SYNPO2: variants seen among roughly 807,000 people sequenced by gnomAD.
The protein encoded by SYNPO2 is synaptopodin 2.
Under a neutral mutation model 85.0 loss-of-function variants are expected in SYNPO2, and 56 were observed. The ratio of observed to expected loss-of-function variants is 0.66; its 90% CI spans 0.53 to 0.82. The LOEUF is 0.82. Among genes scored for constraint, SYNPO2 ranks in the 40% least tolerant of loss-of-function variants. SYNPO2 has a pLI of 0.00. For synonymous variants in SYNPO2, 602 were observed against 591.1 expected (o/e 1.02, Z -0.27); for missense variants, 1,575 against 1,534.2 (o/e 1.03, Z -0.44).
chr4:119,000,967 A>T (rs1255395718), intron 1 of SYNPO2, among the ~76,000 whole-genome samples: 27 of 152,198 alleles, frequency 1.8e-4, no homozygotes, highest in Admixed American at 1.8e-3. Flanking sequence ...GTTTCATATG[A>T]GTGCAGTGAA....
At chr4:118,887,717 T>G (rs1227861301), upstream of SYNPO2, among the ~76,000 whole-genome samples, 3 of 152,340 alleles carry the variant, frequency 2.0e-5, no homozygotes, top group East Asian at 5.8e-4. Context: ...TAACCTTGTT[T>G]TTATCAATTA....
rs1731731167 is a variant in SYNPO2, at chr4:118,867,991, G to A, written c.12+17051G>A. Among the ~76,000 whole-genome samples the A allele has an allele frequency of 2.0e-5, 3 of 147,202 alleles. No individual in the cohort carries two copies. In the Admixed American group the frequency reaches 2.0e-4, roughly 10 times the overall value. On this transcript the variant is annotated intron_variant, in intron 1 of 4. Coordinates refer to the SYNPO2 transcript ENST00000610556. Reference sequence around the variant, plus strand: ...CATGTTTAACTTTGAATAAAAACATGTACTTCATAGGAAAAAAAGTTGCAG... The same window carrying A: ...CATGTTTAACTTTGAATAAAAACATATACTTCATAGGAAAAAAAGTTGCAG...
chr4:118,851,704 A>G (rs1731422653), intron 1 of SYNPO2, among the ~76,000 whole-genome samples: 1 of 152,272 alleles, frequency 6.6e-6, no homozygotes, highest in Non-Finnish European at 1.5e-5. Flanking sequence ...AGAAAAATGT[A>G]GTGAGAATAG....
At chr4:118,975,817 G>C (rs1295713320) in intron 1 of SYNPO2, among the ~76,000 whole-genome samples, 1 of 152,180 alleles carries the variant, frequency 6.6e-6, no homozygotes, top group Non-Finnish European at 1.5e-5. Flanking sequence ...CAGCCTGAGA[G>C]GGAATCTACC....
intron 1 of SYNPO2, among the ~76,000 whole-genome samples, chr4:118,981,285 T>C (rs1735999011): frequency 6.6e-6 from 1 of 152,166 alleles, no homozygotes; most frequent in Non-Finnish European, 1.5e-5. Flanking sequence ...GCAACCAACC[T>C]GTCTCATAAG....
intron 1 of SYNPO2, among the ~76,000 whole-genome samples, chr4:118,993,524 C>T (rs62327844): frequency 0.2 from 31,154 of 152,122 alleles, 3,842 homozygotes; most frequent in Non-Finnish European, 0.27. Context: ...TATCACCACT[C>T]AAGTGTTGGA....
At chr4:118,986,315 C>T (rs1736217410) in intron 1 of SYNPO2, among the ~76,000 whole-genome samples, 1 of 152,194 alleles carries the variant, frequency 6.6e-6, no homozygotes, top group Non-Finnish European at 1.5e-5. Context: ...GAATGTACAA[C>T]TCAGTAATCC....
chr4:118,991,871 G>C (rs1736430296), intron 1 of SYNPO2, among the ~76,000 whole-genome samples: 1 of 152,224 alleles, frequency 6.6e-6, no homozygotes, highest in Non-Finnish European at 1.5e-5. Context: ...ATGCCCCGAA[G>C]CAGAGAAGTG....
At position 118,866,195 on chromosome 4, in the gene SYNPO2, C is replaced by T. The variant is rs146458861; in HGVS notation, c.12+15255C>T. ...TATTGACATTTTGGGCCAGATAATTCATTATTTGTGGTGTGAGCCCATTGT... is the reference window on the plus strand; with the variant it reads ...TATTGACATTTTGGGCCAGATAATTTATTATTTGTGGTGTGAGCCCATTGT... On this transcript the variant is annotated intron_variant, in intron 1 of 4. Transcript: ENST00000610556. Among the ~76,000 whole-genome samples the T allele has an allele frequency of 1.5e-3, 224 of 152,250 alleles. 1 individual carries two copies. Among genetic ancestry groups the T allele is most frequent in the African/African-American group, 5.0e-3 (207 of 41,536 alleles).
intron 3 of SYNPO2, among the ~76,000 whole-genome samples, chr4:119,028,956 ATTT>A (rs1383881480): frequency 6.6e-6 from 1 of 151,648 alleles, no homozygotes; most frequent in Non-Finnish European, 1.5e-5. Flanking sequence ...AATTTTAAAT[ATTT>A]TTATTTTTAT....
At chr4:118,975,193 C>T (rs1436714822) in intron 1 of SYNPO2, among the ~76,000 whole-genome samples, 14 of 152,278 alleles carry the variant, frequency 9.2e-5, no homozygotes, top group Non-Finnish European at 4.4e-5. Flanking sequence ...GGCCACATAT[C>T]GCTCAGTCAT....
intron 1 of SYNPO2, among the ~76,000 whole-genome samples, chr4:118,900,323 C>T (rs1220895031): frequency 1.3e-5 from 2 of 152,064 alleles, no homozygotes; most frequent in Non-Finnish European, 2.9e-5. Context: ...CACTCGTCAT[C>T]ACAGAAAACG....
chr4:118,978,384 T>C (rs1735871989), intron 1 of SYNPO2, among the ~76,000 whole-genome samples: 1 of 152,224 alleles, frequency 6.6e-6, no homozygotes, highest in Admixed American at 6.5e-5. Context: ...AAATAAAATA[T>C]GACCGTTTCC....
Position 118,881,971 on chromosome 4 carries a change from C to T in SYNPO2, c.12+31031C>T, listed in dbSNP as rs1560819999. 2.0e-5 allele frequency among the ~76,000 whole-genome samples: 3 copies of T among 152,200 alleles called. 1 individual carries two copies. In the South Asian group the frequency reaches 6.2e-4, roughly 31 times the overall value. On this transcript the variant is annotated intron_variant, in intron 1 of 4. Transcript: ENST00000610556. Reference sequence around the variant, plus strand: ...GTTGCGTAACTATTAAATATAGGTCCTCAAGTGTTTATCCATCCTGTTGAT... The same window carrying T: ...GTTGCGTAACTATTAAATATAGGTCTTCAAGTGTTTATCCATCCTGTTGAT...
At chr4:119,008,794 C>T (rs994939098) in intron 1 of SYNPO2, among the ~76,000 whole-genome samples, 6 of 151,958 alleles carry the variant, frequency 3.9e-5, no homozygotes, top group African/African-American at 1.2e-4. Flanking sequence ...TCTTACTAAA[C>T]ATTTTAATAT....
chr4:118,950,435 G>A (rs77996916), intron 1 of SYNPO2, among the ~76,000 whole-genome samples: 4,928 of 152,316 alleles, frequency 0.032, 143 homozygotes, highest in East Asian at 0.14. Flanking sequence ...GAAGGCATGG[G>A]CAAGAGCCTG....
At chr4:118,920,089 T>C (rs573550384) in intron 1 of SYNPO2, among the ~76,000 whole-genome samples, 15 of 152,244 alleles carry the variant, frequency 9.9e-5, no homozygotes, top group Admixed American at 6.5e-4. Context: ...AGGAGATAGA[T>C]ACCATTGATG....
intron 1 of SYNPO2, among the ~76,000 whole-genome samples, chr4:118,944,120 C>A (rs756550484): frequency 7.9e-5 from 12 of 151,864 alleles, no homozygotes; most frequent in Non-Finnish European, 1.5e-4. Context: ...AAGTTCTTTT[C>A]TTTGATGTCA....
intron 1 of SYNPO2, among the ~76,000 whole-genome samples, chr4:118,947,830 A>G (rs1239515038): frequency 2.6e-5 from 4 of 152,332 alleles, no homozygotes; most frequent in South Asian, 4.1e-4. Context: ...ATATGCCTAC[A>G]TATTAACTTT....
Sources: allele counts gnomAD v4.1 joint callset (sites outside exome capture counted in the v4.1 genomes callset), GRCh38; gene constraint gnomAD v4.1.1; transcripts MANE v1.5; gene names NCBI Gene and HGNC (gene_info 2026-07-23, HGNC 2026-07-21).